The following ZNF81 variants were observed in gnomAD, a reference collection of about 807,000 sequenced individuals.
ZNF81 encodes zinc finger protein 81 (HFZ20).
In ZNF81, 5 loss-of-function variants were observed where a neutral mutation model predicts 32.3. The observed-to-expected ratio is 0.15, with a 90% CI of 0.08 to 0.33. ZNF81 has a LOEUF of 0.33. Among genes scored for constraint, ZNF81 ranks in the 10% least tolerant of loss-of-function variants. ZNF81 has a pLI of 1.00. For missense variants in ZNF81, 379 were observed against 479.8 expected, an observed-to-expected ratio of 0.79 and a Z score of 1.96; for synonymous variants, 163 against 166.8, an observed-to-expected ratio of 0.98 and a Z score of 0.17.
chrX:47,904,492 G>A (rs1556888720), intron 4 of ZNF81, among the ~76,000 whole-genome samples: 2 of 107,621 alleles, frequency 1.9e-5, no homozygotes, highest in African/African-American at 6.7e-5. Flanking sequence ...TCAGAGAAAT[G>A]CAAATCAAAA....
intron 2 of ZNF81, among the ~76,000 whole-genome samples, chrX:47,880,424 G>A (rs924773736): frequency 5.4e-5 from 6 of 111,935 alleles, no homozygotes; most frequent in African/African-American, 1.9e-4. Context: ...ATGTTGCCCA[G>A]GCTGGTCTCA....
At chrX:47,869,674 T>G (rs1030905968) in intron 2 of ZNF81, among the ~76,000 whole-genome samples, 2 of 111,525 alleles carry the variant, frequency 1.8e-5, no homozygotes, top group Non-Finnish European at 3.8e-5. Context: ...TTTTTGTTTT[T>G]TTTTATTTTG....
At chrX:47,910,850 T>G (rs1282917519) in intron 4 of ZNF81, among the ~76,000 whole-genome samples, 4 of 111,727 alleles carry the variant, frequency 3.6e-5, no homozygotes, top group Non-Finnish European at 5.7e-5. Flanking sequence ...ATTCTGCTGT[T>G]TCTTGTTTCT....
At position 47,922,741 on chromosome X, in the gene ZNF81, C is replaced by A. The variant is rs2058781022; in HGVS notation, c.*6109C>A. 8.9e-6 allele frequency among the ~76,000 whole-genome samples: 1 copy of A among 111,831 alleles called. No homozygotes were observed. The highest frequency in any genetic ancestry group is 3.3e-5 in the African/African-American group (1 of 30,710). On this transcript the variant is annotated 3_prime_UTR_variant, in exon 5 of 5. Coordinates refer to ENST00000338637, the MANE Select transcript of ZNF81 (RefSeq NM_007137.5). Reference sequence around the variant, plus strand: ...CTATAACAAAGTACCACAAATTGGGCAGCCTAAAACAGCAGAAATTGTCTC... The same window carrying A: ...CTATAACAAAGTACCACAAATTGGGAAGCCTAAAACAGCAGAAATTGTCTC...
At chrX:47,869,762 CT>C (rs2058573399) in intron 2 of ZNF81, among the ~76,000 whole-genome samples, 1 of 110,875 alleles carries the variant, frequency 9.0e-6, no homozygotes, top group Non-Finnish European at 1.9e-5. Flanking sequence ...GTGGTGCGAT[CT>C]CAGCTCACTG....
Position 47,916,899 on chromosome X carries a change from A to G in ZNF81, c.*267A>G. 3.3e-6 allele frequency: 1 copy of G among 304,424 alleles called. No homozygotes were observed. 25.1% of individuals were successfully genotyped at this position (304,424 alleles called of 1,213,427 possible). On this transcript the variant is annotated 3_prime_UTR_variant, in exon 5 of 5. Coordinates refer to ENST00000338637, the MANE Select transcript of ZNF81 (RefSeq NM_007137.5). ...GTTGTCAGTTTGGTGTGTTAGGAAA[A>G]GCCTTCCTATAGAAAGTATTATAAG... is the stretch of plus-strand genomic sequence containing the variant.
chrX:47,914,928 G>A lies in ZNF81; in HGVS notation c.282G>A (p.Gly94=), dbSNP rs2058750832. 1.7e-6 allele frequency: 2 copies of A among 1,208,156 alleles called. No homozygotes were observed. The highest frequency in any genetic ancestry group is 2.2e-6 in the Non-Finnish European group (2 of 893,876). The part of the protein sequence containing the change: ...GEAPHQSCSD[G]KFGIKPSQRR... ...ACTTTTTCTTTCTCTTTTTAGATGG[G>A]AAATTTGGAATTAAGCCTTCCCAGA... The change falls in exon 5 of 5, where the codon GGG becomes GGA. Residue 94 remains glycine, a synonymous_variant. Transcript: ENST00000338637.
intron 1 of ZNF81, among the ~76,000 whole-genome samples, chrX:47,837,908 G>A (rs941715969): frequency 1.1e-4 from 12 of 112,217 alleles, no homozygotes; most frequent in Non-Finnish European, 1.5e-4. Flanking sequence ...CATTAAACCT[G>A]TATACCAACT....
chrX:47,871,170 T>C (rs2026930), intron 2 of ZNF81, among the ~76,000 whole-genome samples: 6,950 of 111,434 alleles, frequency 0.062, 248 homozygotes, highest in African/African-American at 0.14. Flanking sequence ...GTGGATTATT[T>C]TATCTTACTC....
At chrX:47,859,846 G>A (rs4824640) in intron 2 of ZNF81, among the ~76,000 whole-genome samples, 45,948 of 110,232 alleles carry the variant, frequency 0.42, 7,364 homozygotes, top group East Asian at 0.63. Context: ...ACAGTGGGTC[G>A]CTTAGGTATC....
At chrX:47,859,863 C>G (rs2058532551) in intron 2 of ZNF81, among the ~76,000 whole-genome samples, 1 of 111,308 alleles carries the variant, frequency 9.0e-6, no homozygotes, top group African/African-American at 3.3e-5. Flanking sequence ...TATCCTGAGT[C>G]TTTTATACTG....
intron 4 of ZNF81, among the ~76,000 whole-genome samples, chrX:47,900,437 C>G (rs1556887810): frequency 1.8e-5 from 2 of 111,427 alleles, no homozygotes; most frequent in African/African-American, 6.5e-5. Context: ...TACTTCACAT[C>G]CTATACAAAA....
intron 4 of ZNF81, among the ~76,000 whole-genome samples, chrX:47,914,436 G>A (rs1452261961): frequency 4.5e-5 from 5 of 111,858 alleles, no homozygotes; most frequent in East Asian, 2.8e-4. Context: ...CTATTGCTGC[G>A]TTGTAGTGCA....
chrX:47,855,568 T>C (rs1342765293), intron 2 of ZNF81, among the ~76,000 whole-genome samples: 1 of 111,940 alleles, frequency 8.9e-6, no homozygotes, highest in Non-Finnish European at 1.9e-5. Flanking sequence ...ATGGTAGGGC[T>C]GTCTCTGATT....
At chrX:47,866,554 A>G (rs1481185098) in intron 2 of ZNF81, among the ~76,000 whole-genome samples, 1 of 111,787 alleles carries the variant, frequency 8.9e-6, no homozygotes, top group African/African-American at 3.3e-5. Flanking sequence ...TCCTAAGTTT[A>G]CCTGGTAATT....
intron 4 of ZNF81, among the ~76,000 whole-genome samples, chrX:47,903,023 G>C (rs1173593409): frequency 8.9e-6 from 1 of 111,985 alleles, no homozygotes; most frequent in Admixed American, 9.4e-5. Flanking sequence ...TTAAGGCTAA[G>C]AACTCTCAAT....
chrX:47,847,562 C>A (rs1172365428), intron 2 of ZNF81, among the ~76,000 whole-genome samples: 1 of 111,888 alleles, frequency 8.9e-6, no homozygotes, highest in Non-Finnish European at 1.9e-5. Context: ...GGACTGGTGT[C>A]TTTCTCAGTT....
chrX:47,887,828 T>A (rs2058647781), intron 2 of ZNF81, among the ~76,000 whole-genome samples, 171 bp from the exon 3 acceptor site: 1 of 112,128 alleles, frequency 8.9e-6, no homozygotes, highest in Non-Finnish European at 1.9e-5. Flanking sequence ...TATGATTAGA[T>A]TTTTATATTC....
intron 4 of ZNF81, among the ~76,000 whole-genome samples, chrX:47,904,751 G>C (rs1263484829): frequency 8.9e-6 from 1 of 111,934 alleles, no homozygotes; most frequent in East Asian, 2.8e-4. Context: ...CTGCTATGAA[G>C]ACACATGCAC....
Sources: allele counts gnomAD v4.1 joint callset (sites outside exome capture counted in the v4.1 genomes callset), GRCh38; gene constraint gnomAD v4.1.1; transcripts MANE v1.5; gene names NCBI Gene and HGNC (gene_info 2026-07-23, HGNC 2026-07-21).